PADI2: variants seen among roughly 807,000 people sequenced by gnomAD.
The protein encoded by PADI2 is protein-arginine deiminase type-2.
In PADI2, 70 loss-of-function variants were observed where a neutral mutation model predicts 81.1. The ratio of observed to expected loss-of-function variants is 0.86; its 90% confidence interval spans 0.71 to 1.05. The LOEUF (loss-of-function observed/expected upper bound fraction) is 1.05. PADI2 is among the 50% of genes least tolerant of loss of function. The pLI, the probability that PADI2 is intolerant of heterozygous loss-of-function variation, is 0.00. For missense variants in PADI2, 853 were observed against 889.9 expected, an observed-to-expected ratio of 0.96 and a Z score of 0.53; for synonymous variants, 338 against 358.0, an observed-to-expected ratio of 0.94 and a Z score of 0.63.
chr1:17,102,024 G>A (rs947542018), intron 3 of PADI2, among the ~76,000 whole-genome samples: 2 of 152,126 alleles, frequency 1.3e-5, no homozygotes, highest in Non-Finnish European at 2.9e-5. Flanking sequence ...CCTCATCAAA[G>A]TGCCCAGTGC....
intron 1 of PADI2, among the ~76,000 whole-genome samples, chr1:17,113,579 C>T (rs1395845748): frequency 6.6e-6 from 1 of 152,196 alleles, no homozygotes; most frequent in Non-Finnish European, 1.5e-5. Context: ...TTCCTGAGAT[C>T]CCCCAGGTAG....
chr1:17,113,280 ATTATTATTT>A (rs1309533631), intron 1 of PADI2, among the ~76,000 whole-genome samples: 3 of 61,210 alleles, frequency 4.9e-5, no homozygotes, highest in African/African-American at 7.7e-5. Context: ...TATTATTATT[ATTATTATTT>A]TTCTAACCAC....
At position 17,084,682 on chromosome 1, in the gene PADI2, G is replaced by A. The variant is rs138063655; in HGVS notation, c.855C>T (p.Ile285=). ...YMAQDIPLTP[I]FTDTVIFRIA... ...TCCGGAATATCACGGTGTCCGTGAA[G>A]ATGGGAGTCAGGGGAATGTCCTGGG... The change falls in exon 8 of 16, where the codon ATC becomes ATT. Residue 285 remains isoleucine, a synonymous_variant. Transcript: ENST00000375486. 1.3e-6 allele frequency: 2 copies of A among 1,559,372 alleles called. No homozygotes were observed. Among genetic ancestry groups the A allele is most frequent in the African/African-American group, 2.7e-5 (2 of 73,346 alleles).
intron 9 of PADI2, 152 bp from the exon 10 acceptor site, chr1:17,082,804 A>T: frequency 3.4e-6 from 2 of 587,678 alleles, no homozygotes. Flanking sequence ...CCTCACACTG[A>T]TGATGGCAGC....
In PADI2 at chr1:17,107,344, TG is replaced by T. The variant is rs552481848; in HGVS notation, c.93-2284del. ...AGATCCAGTCTCTGGAGAGGCTGGC[TG>T]GCATGGCAGAGGCTGAGGGTGCTGG... On this transcript the variant is annotated intron_variant, in intron 1 of 15. Transcript: ENST00000375486. Among the ~76,000 whole-genome samples, 146 of 152,280 alleles carry T rather than the reference TG, an allele frequency of 9.6e-4. 1 individual carries two copies. Among genetic ancestry groups the T allele is most frequent in the South Asian group, 8.7e-3 (42 of 4,830 alleles).
chr1:17,094,765 G>A (rs555048772), intron 4 of PADI2, among the ~76,000 whole-genome samples: 18 of 152,352 alleles, frequency 1.2e-4, no homozygotes, highest in South Asian at 4.1e-4. Flanking sequence ...AGGCTCATGG[G>A]GATCGTGTGA....
At chr1:17,112,514 A>G (rs952594847) in intron 1 of PADI2, among the ~76,000 whole-genome samples, 12 of 89,916 alleles carry the variant, frequency 1.3e-4, no homozygotes, top group Non-Finnish European at 2.3e-4. Flanking sequence ...TTGGGGCTTT[A>G]GAGGAGTCTG....
rs1355888062 is a variant in PADI2, at chr1:17,071,468, G to C, written c.1573C>G (p.Arg525Gly). ...GACAGAATCTTGTTGATGGTGATTC[G>C]CTTGCTGCTCATCCCACCCAAGCCT... ...FKGLGGMSSK[R>G]ITINKILSNE... Residue 525 changes from arginine (R) to glycine (G), a missense_variant, in exon 14 of 16, where the codon CGA becomes GGA. Arg to Gly is a moderately radical substitution (Grantham distance 125, BLOSUM62 -2). Transcript: ENST00000375486. 6.2e-7 allele frequency: 1 copy of C among 1,613,948 alleles called. No individual in the cohort carries two copies. The highest frequency in any genetic ancestry group is 1.7e-5 in the Admixed American group (1 of 60,022).
At chr1:17,076,063 T>C (rs528500479) in intron 11 of PADI2, among the ~76,000 whole-genome samples, 2 of 152,272 alleles carry the variant, frequency 1.3e-5, no homozygotes, top group African/African-American at 4.8e-5. Context: ...AGCCCAGGCT[T>C]CAGCCCTTGA....
chr1:17,092,329 C>T (rs1249730324), intron 6 of PADI2, 79 bp downstream of exon 6: 2 of 1,248,268 alleles, frequency 1.6e-6, no homozygotes, highest in Non-Finnish European at 2.2e-6. Flanking sequence ...GCACCTGCAC[C>T]TGTGAAGGCC....
At chr1:17,091,766 T>C (rs967517993) in intron 6 of PADI2, among the ~76,000 whole-genome samples, 2 of 151,946 alleles carry the variant, frequency 1.3e-5, no homozygotes, top group African/African-American at 2.4e-5. Context: ...TTTCCTCCAA[T>C]TGTGGTACTG....
At chr1:17,098,110 C>T (rs1355718483) in intron 3 of PADI2, among the ~76,000 whole-genome samples, 2 of 152,110 alleles carry the variant, frequency 1.3e-5, no homozygotes, top group African/African-American at 2.4e-5. Context: ...GTTCCCAGAA[C>T]GCAGAGCCAG....
chr1:17,114,232 C>G (rs901675998), intron 1 of PADI2, among the ~76,000 whole-genome samples: 1 of 152,234 alleles, frequency 6.6e-6, no homozygotes, highest in African/African-American at 2.4e-5. Flanking sequence ...GGGTGGGGAG[C>G]TCAGCCCCAT....
intron 8 of PADI2, 98 bp from the exon 9 acceptor site, chr1:17,083,935 T>C (rs1438431358): frequency 1.3e-6 from 1 of 793,548 alleles, no homozygotes; most frequent in Non-Finnish European, 2.2e-6. Flanking sequence ...ATCTCTGGGC[T>C]GTGCCGGGCA....
chr1:17,074,944 G>A lies in PADI2; in HGVS notation c.1461C>T (p.Phe487=). 2.5e-6 allele frequency: 4 copies of A among 1,610,114 alleles called. No individual in the cohort carries two copies. The highest frequency in any genetic ancestry group is 3.4e-6 in the Non-Finnish European group (4 of 1,177,158). Residue 487 remains phenylalanine (F), a synonymous_variant, in exon 13 of 16, where the codon TTC becomes TTT. Transcript: ENST00000375486. ...SFVPIPGTKK[F]LLLMASTSAC... ...CCGAGGTGCTGGCCATGAGTAGCAGGAATTTCTGCAAGAGACAGTCCAGAG... is the reference window on the plus strand; with the variant it reads ...CCGAGGTGCTGGCCATGAGTAGCAGAAATTTCTGCAAGAGACAGTCCAGAG...
At position 17,079,534 on chromosome 1, in the gene PADI2, G is replaced by T. The variant is rs1444951132; in HGVS notation, c.1159-119C>A. 4.0e-6 allele frequency: 3 copies of T among 744,260 alleles called. No individual in the cohort carries two copies. In the Admixed American group the frequency reaches 8.4e-5, roughly 21 times the overall value. The allele number at this position is 744,260 out of a possible 1,614,324, so 46.1% of individuals were successfully genotyped here. Reference sequence around the variant, plus strand: ...CTGTGGGCACCCAGTTTCCAGGTGGGTTGTCCACGGTCTTCCTATGATTAA... The same window carrying T: ...CTGTGGGCACCCAGTTTCCAGGTGGTTTGTCCACGGTCTTCCTATGATTAA... On this transcript the variant is annotated intron_variant, in intron 10 of 15. Coordinates refer to ENST00000375486, the MANE Select transcript of PADI2 (RefSeq NM_007365.3).
rs567281545 is a variant in PADI2 at position 17,115,684 on chromosome 1, C to T, written c.92+3596G>A. 6.6e-6 allele frequency among the ~76,000 whole-genome samples: 1 copy of T among 152,282 alleles called. No homozygotes were observed. The highest frequency in any genetic ancestry group is 6.5e-5 in the Admixed American group (1 of 15,300). On this transcript the variant is annotated intron_variant, in intron 1 of 15. Coordinates refer to ENST00000375486, the MANE Select transcript of PADI2 (RefSeq NM_007365.3). The surrounding 1 kb of genome is among the most constrained non-coding windows in gnomAD (Gnocchi z 4.1). ...TCTCTTTCCAACTTCAAGCCCAAAT[C>T]AGATGGGGACCCAGGCCAGCCCCAC...
At chr1:17,114,077 C>T (rs1931675767) in intron 1 of PADI2, among the ~76,000 whole-genome samples, 2 of 152,244 alleles carry the variant, frequency 1.3e-5, no homozygotes, top group African/African-American at 4.8e-5. Flanking sequence ...GCTCTGGGTG[C>T]TGTTCTAATT....
At chr1:17,069,323 C>T in intron 15 of PADI2, 46 bp from the exon 16 acceptor site, 2 of 1,416,748 alleles carry the variant, frequency 1.4e-6, no homozygotes, top group African/African-American at 1.4e-5. Flanking sequence ...TTAGTGAGCA[C>T]CTAGTACACA....
Sources: allele counts gnomAD v4.1 joint callset (sites outside exome capture counted in the v4.1 genomes callset), GRCh38; gene constraint gnomAD v4.1.1; non-coding constraint Gnocchi (gnomAD v3.1); transcripts MANE v1.5; gene names NCBI Gene and HGNC (gene_info 2026-07-23, HGNC 2026-07-21).